Variants in CAMK1D observed in about 807,000 individuals in gnomAD.
The protein encoded by CAMK1D is calcium/calmodulin dependent protein kinase ID, also known as calcium/calmodulin-dependent protein kinase type 1D.
CAMK1D carries 9 observed loss-of-function variants against 47.7 expected under a neutral mutation model. The observed-to-expected ratio is 0.19, with a 90% confidence interval of 0.11 to 0.33. The LOEUF (loss-of-function observed/expected upper bound fraction) is 0.33. Ranked by LOEUF, CAMK1D falls within the 10% of genes least tolerant of loss-of-function variation. The probability of loss-of-function intolerance (pLI) is 1.00; values close to 1 mark genes in which losing one functional copy is unlikely to be tolerated. For missense variants in CAMK1D, 291 were observed against 488.7 expected (o/e 0.60, Z 3.81); for synonymous variants, 184 against 184.9 (o/e 0.99, Z 0.04).
At chr10:12,517,823 C>G (rs1835256981) in intron 1 of CAMK1D, among the ~76,000 whole-genome samples, 1 of 152,008 alleles carries the variant, frequency 6.6e-6, no homozygotes, top group Admixed American at 6.6e-5. Flanking sequence ...AATATTGGTA[C>G]TATTTTATAT....
intron 3 of CAMK1D, among the ~76,000 whole-genome samples, chr10:12,738,629 G>C (rs866988206): frequency 2.1e-4 from 32 of 151,562 alleles, no homozygotes; most frequent in African/African-American, 6.8e-4. Flanking sequence ...TCAGGAGATC[G>C]AGACCATCCT....
At chr10:12,564,650 T>C (rs1398840472) in intron 2 of CAMK1D, among the ~76,000 whole-genome samples, 2 of 152,222 alleles carry the variant, frequency 1.3e-5, no homozygotes, top group African/African-American at 2.4e-5. Flanking sequence ...ATTTGGTAAA[T>C]GGATTAATAT....
intron 1 of CAMK1D, among the ~76,000 whole-genome samples, chr10:12,466,609 T>TA (rs3062694): frequency 3.1e-4 from 46 of 147,614 alleles, no homozygotes; most frequent in Middle Eastern, 3.4e-3. Context: ...TTTTTTTTTT[T>TA]AGAAGTCAAT....
At chr10:12,560,968 C>T (rs1360263172) in intron 2 of CAMK1D, among the ~76,000 whole-genome samples, 1 of 151,492 alleles carries the variant, frequency 6.6e-6, no homozygotes, top group Non-Finnish European at 1.5e-5. Flanking sequence ...GGCTGGAGTG[C>T]AGCAGTGCGA....
chr10:12,545,072 C>T (rs1455446885), intron 1 of CAMK1D, among the ~76,000 whole-genome samples: 1 of 152,116 alleles, frequency 6.6e-6, no homozygotes, highest in Non-Finnish European at 1.5e-5. Context: ...TCTGAAGACA[C>T]AGAAACAGAA....
chr10:12,514,374 A>T lies in CAMK1D; in HGVS notation c.93-38851A>T, dbSNP rs148227421. ...AAGTGTGTGCATCAAGTAAATAAAA[A>T]TTTCTAAGGTAGCACAGAGCACTTA... On this transcript the variant is annotated intron_variant, in intron 1 of 10. Transcript: ENST00000619168. Among the ~76,000 whole-genome samples, 361 of 152,262 alleles carry T rather than the reference A, an allele frequency of 2.4e-3. 4 individuals carry two copies. The highest frequency in any genetic ancestry group is 8.2e-3 in the African/African-American group (340 of 41,542).
intron 1 of CAMK1D, among the ~76,000 whole-genome samples, chr10:12,500,235 C>A (rs1834660064): frequency 6.6e-6 from 1 of 152,166 alleles, no homozygotes; most frequent in African/African-American, 2.4e-5. Context: ...CACTGTACTC[C>A]AGCCTGGGCA....
chr10:12,359,649 G>A lies in CAMK1D; in HGVS notation c.92+9739G>A, dbSNP rs558416438. On this transcript the variant is annotated intron_variant, in intron 1 of 10. Transcript: ENST00000619168. ...CATGGAGGTCTGCAGGCAGCCTGTGGCTTTTCTTTGATTCAACATGCTTTT... is the reference window on the plus strand; with the variant it reads ...CATGGAGGTCTGCAGGCAGCCTGTGACTTTTCTTTGATTCAACATGCTTTT... Among the ~76,000 whole-genome samples, 6 of 152,164 alleles carry A rather than the reference G, an allele frequency of 3.9e-5. No individual in the cohort carries two copies. In the Middle Eastern group the frequency reaches 0.01, roughly 259 times the overall value.
At chr10:12,693,627 G>A (rs1160939310) in intron 3 of CAMK1D, among the ~76,000 whole-genome samples, 3 of 151,190 alleles carry the variant, frequency 2.0e-5, no homozygotes, top group Non-Finnish European at 4.4e-5. Context: ...GTGAGACCCT[G>A]TCCCCCCCTA....
chr10:12,382,110 A>C (rs1232501046), intron 1 of CAMK1D, among the ~76,000 whole-genome samples: 1 of 152,194 alleles, frequency 6.6e-6, no homozygotes, highest in Non-Finnish European at 1.5e-5. Context: ...ATGATATTCA[A>C]GTATGTCATT....
intron 2 of CAMK1D, among the ~76,000 whole-genome samples, chr10:12,610,048 G>T (rs1163910344): frequency 1.3e-5 from 2 of 152,160 alleles, no homozygotes; most frequent in Non-Finnish European, 2.9e-5. Context: ...ACGGGCTCTT[G>T]GGGCAGTGTT....
At chr10:12,777,815 G>A (rs1007890699) in intron 5 of CAMK1D, among the ~76,000 whole-genome samples, 19 of 152,350 alleles carry the variant, frequency 1.2e-4, no homozygotes, top group African/African-American at 4.1e-4. Flanking sequence ...CGCAGCCATG[G>A]CTTCTCCCTG....
intron 8 of CAMK1D, among the ~76,000 whole-genome samples, chr10:12,820,212 G>A (rs3824646): frequency 0.39 from 58,629 of 152,050 alleles, 12,255 homozygotes; most frequent in Non-Finnish European, 0.47. Context: ...GCTAATTTTT[G>A]TATTTTTAGT....
At chr10:12,825,491 T>C (rs1167867384) in intron 9 of CAMK1D, 82 bp from the exon 10 acceptor site, 13 of 1,340,182 alleles carry the variant, frequency 9.7e-6, no homozygotes, top group African/African-American at 1.5e-5. Flanking sequence ...CTTAGGCTAA[T>C]GTGATAAACA....
At chr10:12,482,044 T>G (rs1036981292) in intron 1 of CAMK1D, among the ~76,000 whole-genome samples, 3 of 152,250 alleles carry the variant, frequency 2.0e-5, no homozygotes, top group Non-Finnish European at 2.9e-5. Context: ...GTGCAGTGTT[T>G]ACCTCCACTG....
intron 3 of CAMK1D, among the ~76,000 whole-genome samples, chr10:12,731,991 C>A (rs1334199595): frequency 6.6e-6 from 1 of 152,118 alleles, no homozygotes; most frequent in Non-Finnish European, 1.5e-5. Flanking sequence ...CGCATGTAAT[C>A]CCAGCACTTT....
intron 2 of CAMK1D, among the ~76,000 whole-genome samples, chr10:12,640,244 T>A (rs1173750259): frequency 6.6e-6 from 1 of 152,116 alleles, no homozygotes. Flanking sequence ...CCCCACCCCT[T>A]CTGGTTCAGC....
intron 2 of CAMK1D, among the ~76,000 whole-genome samples, chr10:12,628,247 A>G (rs1839282256): frequency 6.6e-6 from 1 of 152,184 alleles, no homozygotes; most frequent in Non-Finnish European, 1.5e-5. Flanking sequence ...AATTTGGCAC[A>G]TATGTGTTTA....
At chr10:12,666,599 A>G (rs189048062) in intron 2 of CAMK1D, 137 bp from the exon 3 acceptor site, 1 of 677,878 alleles carries the variant, frequency 1.5e-6, no homozygotes, top group Non-Finnish European at 2.6e-6. Context: ...GTCTGGGGAC[A>G]ACATTGTGAA....
Sources: allele counts gnomAD v4.1 joint callset (sites outside exome capture counted in the v4.1 genomes callset), GRCh38; gene constraint gnomAD v4.1.1; transcripts MANE v1.5; gene names NCBI Gene and HGNC (gene_info 2026-07-23, HGNC 2026-07-21).